The following PLEC variants were observed in gnomAD, a reference collection of about 807,000 sequenced individuals.
PLEC encodes hemidesmosomal protein 1.
In PLEC, 216 loss-of-function variants were observed where a neutral mutation model predicts 392.8. That is an observed-to-expected ratio of 0.55 (90% CI 0.49 to 0.62). The LOEUF (loss-of-function observed/expected upper bound fraction) is 0.62. Among genes scored for constraint, PLEC ranks in the 20% least tolerant of loss-of-function variants. The pLI is 0.00. For missense variants in PLEC, 6,863 were observed against 6,563.4 expected, an observed-to-expected ratio of 1.05 and a Z score of -1.58; for synonymous variants, 3,621 against 2,980.6, an observed-to-expected ratio of 1.21 and a Z score of -7.00.
chr8:143,961,248 C>CA (rs533605253), intron 1 of PLEC, among the ~76,000 whole-genome samples: 1 of 147,902 alleles, frequency 6.8e-6, no homozygotes, highest in Admixed American at 6.7e-5. Context: ...TTTTTTGAGA[C>CA]AGAGTCTTGC....
Position 143,924,604 on chromosome 8 carries a change from C to G in PLEC, c.5325G>C (p.Glu1775Asp). The G allele has an allele frequency of 6.5e-7, 1 of 1,544,712 alleles. No individual in the cohort carries two copies. The highest frequency in any genetic ancestry group is 8.7e-7 in the Non-Finnish European group (1 of 1,151,788). ...TCTCGCTGGTGGAGCGCGACTCCTCCTCAGCCCTCGCCTTGCTGGCCAGCA... is the reference window on the plus strand; with the variant it reads ...TCTCGCTGGTGGAGCGCGACTCCTCGTCAGCCCTCGCCTTGCTGGCCAGCA... The part of the protein sequence containing the change: ...EVLLASKARA[E>D]EESRSTSEKS... The change falls in exon 31 of 32, where the codon GAG becomes GAC. Residue 1775 changes from glutamate (E) to aspartate (D), a missense_variant. Transcript: ENST00000345136.
chr8:143,975,954 G>A (rs1833646487), upstream of PLEC, among the ~76,000 whole-genome samples: 1 of 152,034 alleles, frequency 6.6e-6, no homozygotes, highest in Non-Finnish European at 1.5e-5. This position sits in a 1 kb window ranked among gnomAD's most constrained non-coding sequence, Gnocchi z 9.9. Flanking sequence ...TCCACTCACC[G>A]GGTCATCAGG....
At position 143,929,761 on chromosome 8, in the gene PLEC, G is replaced by A. The variant is rs1826556545; in HGVS notation, c.2808C>T (p.Phe936=). Residue 936 remains phenylalanine, a synonymous_variant, in exon 23 of 32, where the codon TTC becomes TTT. Transcript: ENST00000345136. ...LHSLELHYQA[F]LRDSQDAGGF... ...CGCCCGCGTCCTGGCTGTCCCGCAG[G>A]AAGGCCTGGTAGTGCAGCTCCAGGC... 6.2e-7 allele frequency: 1 copy of A among 1,600,204 alleles called. No homozygotes were observed. The highest frequency in any genetic ancestry group is 1.7e-5 in the Admixed American group (1 of 59,844).
At chr8:143,953,077 C>G (rs1832362445), upstream of PLEC, among the ~76,000 whole-genome samples, 1 of 149,950 alleles carries the variant, frequency 6.7e-6, no homozygotes, top group Non-Finnish European at 1.5e-5. Context: ...CCAGGCGTCC[C>G]CCAAGACCCC....
At chr8:143,950,725 G>T in exon 1 of PLEC, 1 of 1,550,032 alleles carries the variant, frequency 6.5e-7, no homozygotes, top group East Asian at 2.4e-5. Context: ...GAGCCGGGCA[G>T]TCAGTGCGGG....
chr8:143,948,927 CCAAG>C (rs1454055465), intron 1 of PLEC, among the ~76,000 whole-genome samples: 4 of 152,234 alleles, frequency 2.6e-5, no homozygotes, highest in South Asian at 2.1e-4. Flanking sequence ...ACATGCCTGG[CCAAG>C]CAGTCTTTGT....
intron 1 of PLEC, among the ~76,000 whole-genome samples, chr8:143,948,520 C>T (rs942585224): frequency 6.6e-6 from 1 of 152,360 alleles, no homozygotes. Context: ...ATCCCAAGCT[C>T]AGCCCGTGAG....
upstream of PLEC, among the ~76,000 whole-genome samples, chr8:143,940,706 C>T (rs1830298524): frequency 6.6e-6 from 1 of 152,186 alleles, no homozygotes; most frequent in African/African-American, 2.4e-5. Context: ...GGCCTCAGTT[C>T]TGGGAAGAGC....
intron 5 of PLEC, 65 bp from the exon 6 acceptor site, chr8:143,936,079 C>T: frequency 1.3e-6 from 2 of 1,570,460 alleles, no homozygotes; most frequent in South Asian, 2.2e-5. Context: ...GTGCCCACAG[C>T]CACATGCACA....
At position 143,921,718 on chromosome 8, in the gene PLEC, C is replaced by T; in HGVS notation, c.8103G>A (p.Leu2701=). ...YLQGRSSIAG[L]LLKATNEKLS... is the part of the protein sequence containing the mutation. The stretch of plus-strand genomic sequence containing the variant: ...GCTTCTCATTGGTGGCCTTCAGCAA[C>T]AGCCCTGCGATACTGCTGCGGCCCT... Residue 2701 remains leucine (L), a synonymous_variant, in exon 32 of 32, where the codon CTG becomes CTA. Coordinates refer to ENST00000345136, the MANE Select transcript of PLEC (RefSeq NM_201384.3). 6.2e-7 allele frequency: 1 copy of T among 1,612,938 alleles called. No individual in the cohort carries two copies. Among genetic ancestry groups the T allele is most frequent in the Non-Finnish European group, 8.5e-7 (1 of 1,179,902 alleles).
intron 1 of PLEC, among the ~76,000 whole-genome samples, chr8:143,968,387 T>C (rs1217300610): frequency 6.6e-6 from 1 of 151,790 alleles, no homozygotes; most frequent in Non-Finnish European, 1.5e-5. Flanking sequence ...CTGGCCAATA[T>C]GGCGAAGCCC....
Position 143,920,772 on chromosome 8 carries a change from G to A in PLEC, c.9049C>T (p.Arg3017Trp), listed in dbSNP as rs201041716. 335 of 1,606,600 alleles carry A rather than the reference G, an allele frequency of 2.1e-4. No homozygotes were observed. Among genetic ancestry groups the A allele is most frequent in the African/African-American group, 1.9e-3 (145 of 75,056 alleles). Residue 3017 changes from arginine to tryptophan, a missense_variant, in exon 32 of 32, where the codon CGG (arginine) becomes TGG (tryptophan). Arg to Trp is a moderately radical substitution (Grantham distance 101). Coordinates refer to ENST00000345136, the MANE Select transcript of PLEC (RefSeq NM_201384.3). The stretch of plus-strand genomic sequence containing the variant: ...ACGTTGGCACCCCGGAGAGCCCGCC[G>A]CACAGTGTCCACCTCGGCTACGTCT... Reference protein sequence around the residue: ...VRDVAEVDTVRRALRGANVIA... With the variant: ...VRDVAEVDTVWRALRGANVIA...
upstream of PLEC, among the ~76,000 whole-genome samples, chr8:143,941,421 G>T (rs1554728629): frequency 6.6e-6 from 1 of 152,098 alleles, no homozygotes; most frequent in East Asian, 1.9e-4. Flanking sequence ...GGCCGGGCCA[G>T]GGTCAGGAAT....
At chr8:143,968,944 T>G (rs1446083466) in intron 1 of PLEC, among the ~76,000 whole-genome samples, 1 of 152,234 alleles carries the variant, frequency 6.6e-6, no homozygotes, top group Non-Finnish European at 1.5e-5. Context: ...GGAAGCAATC[T>G]GGCAGTTCTT....
chr8:143,956,244 G>C (rs1174091443), upstream of PLEC, among the ~76,000 whole-genome samples: 1 of 152,158 alleles, frequency 6.6e-6, no homozygotes. Flanking sequence ...CACCACGCCC[G>C]GCCAGGGAGA....
chr8:143,970,298 CAA>C (rs112313831), intron 1 of PLEC, among the ~76,000 whole-genome samples: 4,446 of 124,718 alleles, frequency 0.036, 245 homozygotes, highest in African/African-American at 0.12. Context: ...TAAAACGCTC[CAA>C]AAAAAAAAAA....
Position 143,927,387 on chromosome 8 carries a change from C to T in PLEC, c.3756+23G>A, listed in dbSNP as rs370461395. 1,209 of 1,608,418 alleles carry T rather than the reference C, an allele frequency of 7.5e-4. 2 individuals carry two copies. Among genetic ancestry groups the T allele is most frequent in the Non-Finnish European group, 9.8e-4 (1,153 of 1,179,146 alleles). On this transcript the variant is annotated intron_variant, in intron 27 of 31. Transcript: ENST00000345136. ...GGCCGCAGGGCACGCCCAGCCGCCC[C>T]GTCCCCACCGACCCAAGCCCACCTG... is the stretch of plus-strand genomic sequence containing the variant.
At chr8:143,926,313 C>T (rs764803358) in intron 30 of PLEC, among the ~76,000 whole-genome samples, 15 of 152,122 alleles carry the variant, frequency 9.9e-5, no homozygotes, top group Admixed American at 5.9e-4. Context: ...TGAGGCGAGG[C>T]GGCCAGCGTG....
At chr8:143,973,669 C>T (rs1262108590), upstream of PLEC, 5 of 382,520 alleles carry the variant, frequency 1.3e-5, no homozygotes, top group Middle Eastern at 1.3e-3. The surrounding 1 kb of genome is among the most constrained non-coding windows in gnomAD (Gnocchi z 5.6). Flanking sequence ...TGGGCCCCTC[C>T]CGGCGGGCCG....
Sources: gnomAD v4.1 joint callset for allele counts (sites outside exome capture counted in the v4.1 genomes callset) on GRCh38, gnomAD v4.1.1 for gene constraint, Gnocchi (gnomAD v3.1) non-coding constraint, MANE v1.5 for transcripts, NCBI Gene and HGNC (gene_info 2026-07-23, HGNC 2026-07-21) for gene names.